CORO2A: variants seen among roughly 807,000 people sequenced by gnomAD.
The protein encoded by CORO2A is coronin-2A.
CORO2A carries 47 observed loss-of-function variants against 62.4 expected under a neutral mutation model. That is an observed-to-expected ratio of 0.75 (90% CI 0.60 to 0.96). CORO2A has a LOEUF of 0.96. Ranked by LOEUF, CORO2A falls within the 40% of genes least tolerant of loss-of-function variation. CORO2A has a pLI of 0.00. For synonymous variants in CORO2A, 273 were observed against 268.9 expected (o/e 1.02, Z -0.15); for missense variants, 610 against 684.1 (o/e 0.89, Z 1.21).
chr9:98,152,486 C>G (rs1827738839), intron 2 of CORO2A, among the ~76,000 whole-genome samples: 1 of 151,854 alleles, frequency 6.6e-6, no homozygotes, highest in African/African-American at 2.4e-5. Context: ...GATGGGGTTT[C>G]TCTATGTTGC....
chr9:98,151,432 T>A (rs139013955), intron 2 of CORO2A, among the ~76,000 whole-genome samples: 1,651 of 152,308 alleles, frequency 0.011, 29 homozygotes, highest in African/African-American at 0.037. Flanking sequence ...AGGTATCCAA[T>A]CTTCTTTTAT....
chr9:98,179,552 T>C (rs546741753), intron 1 of CORO2A, among the ~76,000 whole-genome samples: 1 of 152,072 alleles, frequency 6.6e-6, no homozygotes, highest in African/African-American at 2.4e-5. Flanking sequence ...AAACCTTCAA[T>C]AGCTTCTCAG....
At chr9:98,190,811 G>C (rs1193865136) in intron 1 of CORO2A, among the ~76,000 whole-genome samples, 1 of 152,206 alleles carries the variant, frequency 6.6e-6, no homozygotes, top group Non-Finnish European at 1.5e-5. Context: ...ACTTAAGCCT[G>C]TGCGTCGGAG....
chr9:98,171,626 GACTGA>G (rs1444955808), intron 1 of CORO2A, among the ~76,000 whole-genome samples: 2 of 152,132 alleles, frequency 1.3e-5, no homozygotes, highest in Non-Finnish European at 2.9e-5. Flanking sequence ...GGGAGGATAC[GACTGA>G]GCTGAGCTTT....
chr9:98,149,457 AAAG>A (rs1362317439), intron 2 of CORO2A, among the ~76,000 whole-genome samples: 1 of 152,226 alleles, frequency 6.6e-6, no homozygotes, highest in Admixed American at 6.5e-5. Flanking sequence ...GAGTATTTAC[AAAG>A]AAAAGACGTT....
intron 1 of CORO2A, among the ~76,000 whole-genome samples, chr9:98,174,099 C>T (rs1445368030): frequency 6.6e-6 from 1 of 151,562 alleles, no homozygotes; most frequent in African/African-American, 2.4e-5. Flanking sequence ...GAGAGTGAAG[C>T]TCTGTTCCCC....
At chr9:98,153,172 T>C (rs546061350) in intron 2 of CORO2A, among the ~76,000 whole-genome samples, 1 of 152,250 alleles carries the variant, frequency 6.6e-6, no homozygotes, top group Admixed American at 6.5e-5. Context: ...CGATCTCAGC[T>C]CATTGCAACC....
intron 2 of CORO2A, among the ~76,000 whole-genome samples, chr9:98,151,282 G>A (rs1482535712): frequency 1.3e-5 from 2 of 152,200 alleles, no homozygotes; most frequent in Non-Finnish European, 2.9e-5. Flanking sequence ...TAAAAAAAGA[G>A]AATGCTGTGG....
intron 1 of CORO2A, among the ~76,000 whole-genome samples, chr9:98,169,425 C>T (rs371192075): frequency 5.5e-4 from 84 of 151,928 alleles, no homozygotes; most frequent in African/African-American, 2.0e-3. Flanking sequence ...CCTGCCCCCA[C>T]GGCCCCCACC....
chr9:98,124,824 GT>G lies in CORO2A; in HGVS notation c.1527del (p.Lys509AsnfsTer86), dbSNP rs1441208263. Reference protein sequence around the residue: ...ELLTQREVQAKQLELEIKNLR... With the variant: ...ELLTQREVQAXQLELEIKNLR... The stretch of plus-strand genomic sequence containing the variant: ...AAGTTTTTGATCTCCAGTTCCAACT[GT>G]TTGGCCTGGACCTCTCGCTGGGTCA... On this transcript the variant is annotated frameshift_variant, in exon 12 of 12. Transcript: ENST00000375077. LOFTEE classifies it high-confidence loss of function. 2 of 1,609,716 alleles carry G rather than the reference GT, an allele frequency of 1.2e-6. No individual in the cohort carries two copies. Among genetic ancestry groups the G allele is most frequent in the South Asian group, 2.2e-5 (2 of 90,002 alleles).
chr9:98,146,126 C>T (rs1374922861), intron 2 of CORO2A, among the ~76,000 whole-genome samples: 1 of 152,198 alleles, frequency 6.6e-6, no homozygotes, highest in Non-Finnish European at 1.5e-5. Context: ...TGTCTACTCC[C>T]AGCAGGGTTC....
At chr9:98,132,102 G>A (rs1466087846) in intron 6 of CORO2A, 83 bp downstream of exon 6, 1 of 1,001,864 alleles carries the variant, frequency 1.0e-6, no homozygotes, top group African/African-American at 1.6e-5. Context: ...TCATAAATGG[G>A]TGTCTAAATG....
intron 4 of CORO2A, among the ~76,000 whole-genome samples, chr9:98,134,602 C>G (rs1827458081): frequency 6.6e-6 from 1 of 152,136 alleles, no homozygotes; most frequent in East Asian, 1.9e-4. Flanking sequence ...AGTGACGCAG[C>G]TATAGCCAAG....
At chr9:98,162,014 A>G (rs1239902010) in intron 1 of CORO2A, among the ~76,000 whole-genome samples, 1 of 152,084 alleles carries the variant, frequency 6.6e-6, no homozygotes, top group Non-Finnish European at 1.5e-5. Context: ...TGGCAATAAG[A>G]AGTCATGGTT....
intron 2 of CORO2A, among the ~76,000 whole-genome samples, chr9:98,153,742 GA>G (rs1207634568): frequency 2.0e-5 from 3 of 151,444 alleles, no homozygotes; most frequent in African/African-American, 7.3e-5. Context: ...TAAACCAGGT[GA>G]AGGTTAATCA....
intron 1 of CORO2A, among the ~76,000 whole-genome samples, chr9:98,187,600 T>G (rs1455635824): frequency 6.6e-6 from 1 of 152,144 alleles, no homozygotes; most frequent in Non-Finnish European, 1.5e-5. Context: ...AATGGCGCCT[T>G]CTTACTGTGT....
At chr9:98,137,437 A>T in intron 3 of CORO2A, 135 bp downstream of exon 3, 1 of 733,404 alleles carries the variant, frequency 1.4e-6, no homozygotes, top group Non-Finnish European at 2.4e-6. Context: ...ACCTTAACTT[A>T]ACACCTCCCC....
chr9:98,152,481 G>A (rs1248064295), intron 2 of CORO2A, among the ~76,000 whole-genome samples: 2 of 151,774 alleles, frequency 1.3e-5, no homozygotes, highest in Admixed American at 1.3e-4. Flanking sequence ...GTAGAGATGG[G>A]GTTTCTCTAT....
At chr9:98,132,957 CCTG>C in intron 5 of CORO2A, 78 bp downstream of exon 5, 1 of 1,504,178 alleles carries the variant, frequency 6.6e-7, no homozygotes, top group Admixed American at 1.8e-5. Context: ...GCATCACTGT[CCTG>C]TTCTCTGAAG....
Sources: allele counts gnomAD v4.1 joint callset (sites outside exome capture counted in the v4.1 genomes callset), GRCh38; gene constraint gnomAD v4.1.1; transcripts MANE v1.5; gene names NCBI Gene and HGNC (gene_info 2026-07-23, HGNC 2026-07-21).